The following RBFOX1 variants were observed in gnomAD, a reference collection of about 807,000 sequenced individuals.
The protein encoded by RBFOX1 is RNA binding protein fox-1 homolog 1.
In RBFOX1, 8 loss-of-function variants were observed where a neutral mutation model predicts 57.7. That is an observed-to-expected ratio of 0.14 (90% CI 0.08 to 0.25). The LOEUF is 0.25. Among genes scored for constraint, RBFOX1 ranks in the 10% least tolerant of loss-of-function variants. The probability of loss-of-function intolerance (pLI) is 1.00; values close to 1 mark genes in which losing one functional copy is unlikely to be tolerated. For synonymous variants in RBFOX1, 326 were observed against 222.4 expected, an observed-to-expected ratio of 1.47 and a Z score of -4.15; for missense variants, 611 against 548.5, an observed-to-expected ratio of 1.11 and a Z score of -1.14.
At chr16:7,384,549 T>C (rs937651563) in intron 4 of RBFOX1, among the ~76,000 whole-genome samples, 3 of 152,168 alleles carry the variant, frequency 2.0e-5, no homozygotes, top group African/African-American at 2.4e-5. Flanking sequence ...GGCAGTATCA[T>C]TTATCTATCC....
At chr16:5,492,799 T>G (rs74004333) in intron 2 of RBFOX1, among the ~76,000 whole-genome samples, 42 of 152,354 alleles carry the variant, frequency 2.8e-4, no homozygotes, top group African/African-American at 9.9e-4. Context: ...TCACTCTTAT[T>G]TAGTGTTCTA....
chr16:6,764,641 A>C (rs1282778972), intron 3 of RBFOX1, among the ~76,000 whole-genome samples: 5 of 152,198 alleles, frequency 3.3e-5, no homozygotes, highest in Non-Finnish European at 7.3e-5. Context: ...ATAATTATTA[A>C]GAGTAAATGC....
rs143130345 is a variant in RBFOX1, at chr16:6,920,699, C to T, written c.-15-131358C>T. On this transcript the variant is annotated intron_variant, in intron 3 of 15. Coordinates refer to ENST00000550418, the MANE Select transcript of RBFOX1 (RefSeq NM_018723.4). ...TCTTTTGGTTCCAAGCAATCATTGGCACCCCTTGGCTTGTGGCTGCATCAC... is the reference window on the plus strand; with the variant it reads ...TCTTTTGGTTCCAAGCAATCATTGGTACCCCTTGGCTTGTGGCTGCATCAC... Among the ~76,000 whole-genome samples, 66 of 152,312 alleles carry T rather than the reference C, an allele frequency of 4.3e-4. No individual in the cohort carries two copies. In the East Asian group the frequency reaches 0.011, roughly 26 times the overall value.
chr16:7,539,052 T>G (rs1024049108), intron 5 of RBFOX1, among the ~76,000 whole-genome samples: 1 of 152,160 alleles, frequency 6.6e-6, no homozygotes, highest in Non-Finnish European at 1.5e-5. Flanking sequence ...CCTTGGCATT[T>G]GCTATGTGCT....
intron 4 of RBFOX1, among the ~76,000 whole-genome samples, chr16:7,501,113 T>C (rs140661581): frequency 1.0e-3 from 157 of 152,346 alleles, no homozygotes; most frequent in African/African-American, 3.6e-3. Context: ...GCCTCAGATA[T>C]GTCTTTACTT....
chr16:5,424,762 A>T (rs2067462816), intron 1 of RBFOX1, among the ~76,000 whole-genome samples: 1 of 151,790 alleles, frequency 6.6e-6, no homozygotes, highest in South Asian at 2.1e-4. Context: ...TGTATGAATG[A>T]TCCCATCACC....
chr16:7,372,410 G>A (rs1278403513), intron 4 of RBFOX1, among the ~76,000 whole-genome samples: 1 of 152,188 alleles, frequency 6.6e-6, no homozygotes, highest in Non-Finnish European at 1.5e-5. Flanking sequence ...TTTGCTTGAA[G>A]TTCTCCTTAT....
chr16:7,069,250 A>G (rs2056819455), intron 4 of RBFOX1, among the ~76,000 whole-genome samples: 1 of 152,108 alleles, frequency 6.6e-6, no homozygotes, highest in Non-Finnish European at 1.5e-5. Context: ...GGTTTGTTAC[A>G]TAGGTAAACA....
At chr16:6,420,921 A>C (rs1198400920) in intron 2 of RBFOX1, among the ~76,000 whole-genome samples, 1 of 152,222 alleles carries the variant, frequency 6.6e-6, no homozygotes, top group Admixed American at 6.5e-5. Context: ...ATCAAAGGGC[A>C]CTTACTGTAA....
chr16:6,737,077 G>C (rs1414413936), intron 3 of RBFOX1, among the ~76,000 whole-genome samples: 4 of 152,168 alleles, frequency 2.6e-5, no homozygotes, highest in African/African-American at 9.7e-5. Flanking sequence ...ACTTCAGTGG[G>C]CAGTGAAAAA....
At chr16:5,986,750 A>G (rs1385907962) in intron 4 of RBFOX1, among the ~76,000 whole-genome samples, 1 of 152,174 alleles carries the variant, frequency 6.6e-6, no homozygotes, top group African/African-American at 2.4e-5. Flanking sequence ...GTCCCATGGT[A>G]TGAATATACA....
chr16:5,308,604 G>C (rs1469404318), intron 1 of RBFOX1, among the ~76,000 whole-genome samples: 2 of 151,976 alleles, frequency 1.3e-5, no homozygotes, highest in African/African-American at 4.8e-5. Flanking sequence ...ACTATATTTA[G>C]TAAAATAATA....
At chr16:6,964,681 GCAAAAGCTGATATCA>G (rs557031742) in intron 3 of RBFOX1, among the ~76,000 whole-genome samples, 42 of 152,308 alleles carry the variant, frequency 2.8e-4, no homozygotes, top group African/African-American at 8.7e-4. Context: ...CCCAGGATTT[GCAAAAGCTGATATCA>G]CAAAGGGTGT....
At chr16:6,505,945 G>C (rs184910846) in intron 2 of RBFOX1, among the ~76,000 whole-genome samples, 1 of 152,146 alleles carries the variant, frequency 6.6e-6, no homozygotes, top group African/African-American at 2.4e-5. Context: ...CAGGAGAGGA[G>C]GTTAGTGACA....
intron 4 of RBFOX1, among the ~76,000 whole-genome samples, chr16:7,223,354 G>A (rs1374855113): frequency 6.6e-6 from 1 of 152,236 alleles, no homozygotes; most frequent in Non-Finnish European, 1.5e-5. Flanking sequence ...GTCAGTGCTA[G>A]AAAGGGCTTC....
chr16:6,329,315 G>T (rs960026060), intron 2 of RBFOX1, among the ~76,000 whole-genome samples: 1 of 152,146 alleles, frequency 6.6e-6, no homozygotes, highest in Non-Finnish European at 1.5e-5. Context: ...AGTGAGATAG[G>T]TTCTGCTAAT....
At chr16:7,608,461 C>G (rs1466315331) in intron 10 of RBFOX1, among the ~76,000 whole-genome samples, 1 of 152,198 alleles carries the variant, frequency 6.6e-6, no homozygotes, top group African/African-American at 2.4e-5. Context: ...TTACCGGGAG[C>G]CTGGGTTAAG....
Position 5,727,825 on chromosome 16 carries a change from C to G in RBFOX1, c.318+128864C>G, listed in dbSNP as rs563126386. On this transcript the variant is annotated intron_variant, in intron 3 of 19. Transcript: ENST00000641259. ...GCCTCAGCCTGCTGAGTAGCTGGGA[C>G]TACAGGTGTGCGCCACCATGCCCAC... Among the ~76,000 whole-genome samples the G allele has an allele frequency of 5.8e-4, 89 of 152,248 alleles. 1 individual carries two copies. Among genetic ancestry groups the G allele is most frequent in the Non-Finnish European group, 9.7e-4 (66 of 68,020 alleles).
chr16:7,710,768 C>T lies in RBFOX1; in HGVS notation c.*23C>T. ...TAAATGACAAAACCATAAAAACCTT[C>T]CAATGTGGGGAGAAAGGAAGCTTTC... On this transcript the variant is annotated 3_prime_UTR_variant, in exon 16 of 16. Transcript: ENST00000550418. The T allele has an allele frequency of 1.3e-6, 2 of 1,529,250 alleles. No homozygotes were observed. Among genetic ancestry groups the T allele is most frequent in the African/African-American group, 1.4e-5 (1 of 70,850 alleles). The allele number at this position is 1,529,250 out of a possible 1,614,324, so 94.7% of individuals were successfully genotyped here.
Sources: allele counts gnomAD v4.1 joint callset (sites outside exome capture counted in the v4.1 genomes callset), GRCh38; gene constraint gnomAD v4.1.1; transcripts MANE v1.5; gene names NCBI Gene and HGNC (gene_info 2026-07-23, HGNC 2026-07-21).